Variants in PARL observed in about 807,000 individuals in gnomAD.
PARL encodes the protein presenilin-associated rhomboid-like protein, mitochondrial.
PARL carries 44 observed loss-of-function variants against 51.6 expected under a neutral mutation model. The observed-to-expected ratio is 0.85, with a 90% confidence interval of 0.67 to 1.10. PARL has a LOEUF of 1.10. PARL is among the 50% of genes least tolerant of loss of function. The pLI is 0.00. For synonymous variants in PARL, 172 were observed against 164.0 expected, an observed-to-expected ratio of 1.05 and a Z score of -0.37; for missense variants, 441 against 469.5, an observed-to-expected ratio of 0.94 and a Z score of 0.56.
Position 183,862,814 on chromosome 3 carries a change from GA to G in PARL, c.463-14del. On this transcript the variant is annotated splice_polypyrimidine_tract_variant and intron_variant, in intron 3 of 9. Transcript: ENST00000317096. ...ACCACTTGTTAATCTAAAACAGACA[GA>G]AAATTGCATCACCACATGTGAGAAA... 6.2e-7 allele frequency: 1 copy of G among 1,608,960 alleles called. No homozygotes were observed.
chr3:183,843,429 C>T (rs529862806), intron 5 of PARL: 33 of 238,474 alleles, frequency 1.4e-4, no homozygotes, highest in Non-Finnish European at 1.8e-4. Flanking sequence ...GTGGGAGGAT[C>T]AGTTGAGCCT....
intron 4 of PARL, among the ~76,000 whole-genome samples, chr3:183,851,044 TA>T (rs1388635681): frequency 1.3e-5 from 2 of 152,274 alleles, no homozygotes; most frequent in East Asian, 3.9e-4. Context: ...AACAATTCAC[TA>T]GGGGAAAGAA....
chr3:183,853,929 T>C (rs1473190230), intron 4 of PARL, among the ~76,000 whole-genome samples: 1 of 152,162 alleles, frequency 6.6e-6, no homozygotes, highest in African/African-American at 2.4e-5. Flanking sequence ...CCACCAATCC[T>C]GTAACTGGAT....
At chr3:183,851,843 G>A (rs1730580962) in intron 4 of PARL, among the ~76,000 whole-genome samples, 1 of 152,068 alleles carries the variant, frequency 6.6e-6, no homozygotes, top group Non-Finnish European at 1.5e-5. Context: ...TACCCATTAC[G>A]ATGGCTATTA....
chr3:183,864,491 T>G (rs1265961935), intron 3 of PARL, among the ~76,000 whole-genome samples: 2 of 151,988 alleles, frequency 1.3e-5, no homozygotes, highest in Non-Finnish European at 2.9e-5. Context: ...AGAAATAAAA[T>G]ATTGGCTGGG....
In PARL at chr3:183,829,665, T is replaced by A; in HGVS notation, c.1073A>T (p.Glu358Val). The A allele has an allele frequency of 6.2e-7, 1 of 1,614,150 alleles. No homozygotes were observed. Among genetic ancestry groups the A allele is most frequent in the African/African-American group, 1.3e-5 (1 of 75,046 alleles). Reference sequence around the variant, plus strand: ...TTCATGCCAGATTTTCACTAGCGGCTCCCTGTTCTTCCAAATCAGTTCATG... The same window carrying A: ...TTCATGCCAGATTTTCACTAGCGGCACCCTGTTCTTCCAAATCAGTTCATG... ...YGHELIWKNR[E>V]PLVKIWHEIR... The change falls in exon 10 of 10, where the codon GAG becomes GTG. Residue 358 changes from glutamate to valine, a missense_variant. By Grantham distance (121) the Glu-to-Val change is moderately radical. Coordinates refer to ENST00000317096, the MANE Select transcript of PARL (RefSeq NM_018622.7).
chr3:183,881,785 A>T (rs972438387), intron 1 of PARL, among the ~76,000 whole-genome samples: 15 of 152,264 alleles, frequency 9.9e-5, no homozygotes, highest in African/African-American at 3.6e-4. Context: ...GGGCGGGAGG[A>T]TGGATTCTAC....
At chr3:183,873,716 A>C (rs1012784128) in intron 1 of PARL, among the ~76,000 whole-genome samples, 2 of 152,138 alleles carry the variant, frequency 1.3e-5, no homozygotes, top group African/African-American at 4.8e-5. Context: ...ATAAAAAACT[A>C]CTTCTACCTG....
chr3:183,838,771 G>T (rs1728957878), intron 7 of PARL, among the ~76,000 whole-genome samples: 1 of 152,220 alleles, frequency 6.6e-6, no homozygotes, highest in Non-Finnish European at 1.5e-5. Context: ...ACTTCATTAA[G>T]TTTGCACTTC....
chr3:183,864,938 GCA>G (rs1732292100), intron 3 of PARL, among the ~76,000 whole-genome samples: 1 of 138,868 alleles, frequency 7.2e-6, no homozygotes, highest in Non-Finnish European at 1.5e-5. Context: ...TTCATCTCGA[GCA>G]CAGTTTAGAG....
chr3:183,882,871 G>A (rs138239002), intron 1 of PARL, among the ~76,000 whole-genome samples: 1 of 152,096 alleles, frequency 6.6e-6, no homozygotes, highest in African/African-American at 2.4e-5. Flanking sequence ...CAAATGACAC[G>A]GATTGGGTCA....
At chr3:183,849,569 A>C (rs1449952245) in intron 4 of PARL, among the ~76,000 whole-genome samples, 1 of 152,172 alleles carries the variant, frequency 6.6e-6, no homozygotes, top group Admixed American at 6.5e-5. Flanking sequence ...CAATTCAATA[A>C]TCTAACTTTT....
chr3:183,846,436 T>G (rs1577315399), intron 4 of PARL: 1 of 731,974 alleles, frequency 1.4e-6, no homozygotes, highest in Non-Finnish European at 1.7e-6. Flanking sequence ...GAGGTTGAGG[T>G]GAGCCGAGAT....
At chr3:183,876,863 T>G (rs922948503) in intron 1 of PARL, among the ~76,000 whole-genome samples, 5 of 152,084 alleles carry the variant, frequency 3.3e-5, no homozygotes, top group African/African-American at 1.2e-4. Context: ...AAGTATGACT[T>G]TGAGGGGCTC....
chr3:183,883,603 T>C (rs185850988), intron 1 of PARL: 4 of 985,312 alleles, frequency 4.1e-6, no homozygotes, highest in East Asian at 1.1e-4. Flanking sequence ...CCTTAAACCA[T>C]GCAATCTCAA....
intron 3 of PARL, among the ~76,000 whole-genome samples, chr3:183,865,592 C>T (rs901107913): frequency 1.3e-5 from 2 of 152,244 alleles, no homozygotes; most frequent in East Asian, 1.9e-4. Flanking sequence ...AGGTGGCACG[C>T]TCCTTATGAG....
chr3:183,865,670 G>A (rs764650746), intron 3 of PARL, among the ~76,000 whole-genome samples: 14 of 151,866 alleles, frequency 9.2e-5, no homozygotes, highest in East Asian at 1.9e-4. Flanking sequence ...CTGCAACCCC[G>A]ACCTGTGGAA....
At position 183,833,549 on chromosome 3, in the gene PARL, AT is replaced by A; in HGVS notation, c.970del (p.Ile324SerfsTer29). 1 of 1,614,002 alleles carries A rather than the reference AT, an allele frequency of 6.2e-7. No homozygotes were observed. Among genetic ancestry groups the A allele is most frequent in the South Asian group, 1.1e-5 (1 of 91,082 alleles). Reference sequence around the variant, plus strand: ...ATGATCAAAAAATTTCCATCCCAGGATCATTCCTGCTGTATCCATGGCGATA... The same window carrying A: ...ATGATCAAAAAATTTCCATCCCAGGACATTCCTGCTGTATCCATGGCGATA... ...AIIAMDTAGM[I>X]LGWKFFDHAA... On this transcript the variant is annotated frameshift_variant, in exon 9 of 10. Transcript: ENST00000317096. LOFTEE classifies it high-confidence loss of function.
intron 4 of PARL, among the ~76,000 whole-genome samples, chr3:183,854,947 G>C (rs963164840): frequency 1.3e-5 from 2 of 152,030 alleles, no homozygotes; most frequent in African/African-American, 4.8e-5. Context: ...CCATACACTG[G>C]AATATCATTT....
Sources: gnomAD v4.1 joint callset for allele counts (sites outside exome capture counted in the v4.1 genomes callset) on GRCh38, gnomAD v4.1.1 for gene constraint, MANE v1.5 for transcripts, NCBI Gene and HGNC (gene_info 2026-07-23, HGNC 2026-07-21) for gene names.